JPH2: variants seen among roughly 807,000 people sequenced by gnomAD.
JPH2 encodes junctophilin-2.
Under a neutral mutation model 55.9 loss-of-function variants are expected in JPH2, and 38 were observed. That is an observed-to-expected ratio of 0.68 (90% CI 0.52 to 0.89). JPH2 has a LOEUF of 0.89. Ranked by LOEUF, JPH2 falls within the 40% of genes least tolerant of loss-of-function variation. The pLI is 0.00. For synonymous variants in JPH2, 480 were observed against 472.4 expected (o/e 1.02, Z -0.21); for missense variants, 964 against 1,037.6 (o/e 0.93, Z 0.97).
chr20:44,186,710 T>A lies in JPH2; in HGVS notation c.-5A>T. 6.4e-7 allele frequency: 1 copy of A among 1,572,828 alleles called. No individual in the cohort carries two copies. The highest frequency in any genetic ancestry group is 8.6e-7 in the Non-Finnish European group (1 of 1,165,198). The stretch of plus-strand genomic sequence containing the variant: ...GTCGAAGCGGCCCCCACTCATCTCA[T>A]CATAGCCCCTGACAACCTCCCCGTC... On this transcript the variant is annotated 5_prime_UTR_variant, in exon 1 of 6. It removes an upstream start codon present in the reference 5' UTR. Coordinates refer to ENST00000372980, the MANE Select transcript of JPH2 (RefSeq NM_020433.5).
intron 2 of JPH2, among the ~76,000 whole-genome samples, chr20:44,123,790 C>T (rs1368815102): frequency 6.6e-6 from 1 of 152,232 alleles, no homozygotes; most frequent in African/African-American, 2.4e-5. Context: ...TTTTATATTC[C>T]AGATTCTGAC....
rs574698846 is a variant in JPH2, at chr20:44,109,280, A to G, written c.*4238T>C. Among the ~76,000 whole-genome samples the G allele has an allele frequency of 6.6e-6, 1 of 152,334 alleles. No individual in the cohort carries two copies. The highest frequency in any genetic ancestry group is 1.9e-4 in the East Asian group (1 of 5,188). ...GTGGACGAATACCTACACCATGGAG[A>G]TACTGCGAAGAATGGAAAATAGCAG... On this transcript the variant is annotated 3_prime_UTR_variant, in exon 6 of 6. Coordinates refer to ENST00000372980, the MANE Select transcript of JPH2 (RefSeq NM_020433.5).
chr20:44,178,619 TG>T (rs1274275072), intron 1 of JPH2, among the ~76,000 whole-genome samples: 1 of 152,170 alleles, frequency 6.6e-6, no homozygotes, highest in Non-Finnish European at 1.5e-5. Flanking sequence ...GTTTTGTTTT[TG>T]TTTTTGAGAC....
In JPH2 at chr20:44,155,268, C is replaced by A. The variant is rs999092803; in HGVS notation, c.1169+4350G>T. Among the ~76,000 whole-genome samples, 4 of 152,268 alleles carry A rather than the reference C, an allele frequency of 2.6e-5. No homozygotes were observed. In the East Asian group the frequency reaches 5.8e-4, roughly 22 times the overall value. On this transcript the variant is annotated intron_variant, in intron 2 of 5. Coordinates refer to ENST00000372980, the MANE Select transcript of JPH2 (RefSeq NM_020433.5). The stretch of plus-strand genomic sequence containing the variant: ...GGTCAGAGTGGTGAAGCAACTTGGG[C>A]AAGGTCACACAGCTCTTCAGAAGAA...
At chr20:44,145,664 T>C (rs984154947) in intron 2 of JPH2, among the ~76,000 whole-genome samples, 6 of 152,004 alleles carry the variant, frequency 3.9e-5, no homozygotes, top group African/African-American at 1.4e-4. Flanking sequence ...GCACCGTTTA[T>C]AGAGGTGGAG....
At chr20:44,153,805 C>A (rs534525408) in intron 2 of JPH2, among the ~76,000 whole-genome samples, 1 of 152,282 alleles carries the variant, frequency 6.6e-6, no homozygotes, top group East Asian at 1.9e-4. Flanking sequence ...CTTTGAGGTG[C>A]GTCTTCTAGA....
At chr20:44,148,434 C>T (rs566409401) in intron 2 of JPH2, among the ~76,000 whole-genome samples, 4 of 152,138 alleles carry the variant, frequency 2.6e-5, no homozygotes, top group African/African-American at 4.8e-5. Context: ...TTCTGCTCTA[C>T]GTGCCTGCCT....
chr20:44,149,963 GAA>G (rs67234498), intron 2 of JPH2, among the ~76,000 whole-genome samples: 6 of 11,458 alleles, frequency 5.2e-4, no homozygotes, highest in Non-Finnish European at 7.0e-4. Context: ...GGCGACAGAG[GAA>G]AAAAAAAAAA....
intron 2 of JPH2, among the ~76,000 whole-genome samples, chr20:44,137,944 C>A (rs1021059205): frequency 1.3e-5 from 2 of 151,838 alleles, no homozygotes; most frequent in African/African-American, 4.8e-5. Flanking sequence ...TAGGTGGTAC[C>A]AGACCATTCA....
intron 2 of JPH2, among the ~76,000 whole-genome samples, chr20:44,149,962 GGAAA>G (rs1235923838): frequency 4.3e-5 from 5 of 116,784 alleles, no homozygotes; most frequent in African/African-American, 1.2e-4. Flanking sequence ...GGGCGACAGA[GGAAA>G]AAAAAAAAAA....
chr20:44,111,269 T>C lies in JPH2; in HGVS notation c.*2249A>G, dbSNP rs142575195. Among the ~76,000 whole-genome samples the C allele has an allele frequency of 7.8e-4, 119 of 152,310 alleles. No individual in the cohort carries two copies. Among genetic ancestry groups the C allele is most frequent in the Admixed American group, 2.6e-3 (40 of 15,290 alleles). On this transcript the variant is annotated 3_prime_UTR_variant, in exon 6 of 6. Coordinates refer to ENST00000372980, the MANE Select transcript of JPH2 (RefSeq NM_020433.5). ...CAGAGCTAACAGCACCATAGCGTGA[T>C]AACAACACTCGTCTCCATTTCTCCA... is the stretch of plus-strand genomic sequence containing the variant.
rs190659135 is a variant in JPH2 at position 44,174,003 on chromosome 20, C to G, written c.379+12324G>C. Among the ~76,000 whole-genome samples, 720 of 152,300 alleles carry G rather than the reference C, an allele frequency of 4.7e-3. 2 individuals carry two copies. The highest frequency in any genetic ancestry group is 0.037 in the Middle Eastern group (11 of 294). ...TAATCCATCACATAGGCCACTTATT[C>G]CCCATCCTGTGTCCACAACTGACAT... On this transcript the variant is annotated intron_variant, in intron 1 of 5. Coordinates refer to ENST00000372980, the MANE Select transcript of JPH2 (RefSeq NM_020433.5).
intron 1 of JPH2, among the ~76,000 whole-genome samples, chr20:44,161,186 T>C (rs891315285): frequency 1.3e-5 from 2 of 152,002 alleles, no homozygotes; most frequent in Admixed American, 6.6e-5. Context: ...AGGTTCTGAG[T>C]GTGCAAGGCT....
chr20:44,186,289 G>GTGAGAGGGTGGT, intron 1 of JPH2, 38 bp downstream of exon 1: 1 of 1,602,800 alleles, frequency 6.2e-7, no homozygotes. Context: ...ACCCTCCCTG[G>GTGAGAGGGTGGT]CTCCACCCCA....
At chr20:44,185,509 C>A (rs2072828337) in intron 1 of JPH2, among the ~76,000 whole-genome samples, 1 of 151,726 alleles carries the variant, frequency 6.6e-6, no homozygotes, top group Middle Eastern at 3.2e-3. Flanking sequence ...GTGGTGCACA[C>A]CTGTAGTCCC....
intron 3 of JPH2, among the ~76,000 whole-genome samples, chr20:44,117,148 G>A (rs552710692): frequency 1.3e-5 from 2 of 152,190 alleles, no homozygotes; most frequent in Admixed American, 1.3e-4. Context: ...GCATGGTGGC[G>A]CGTGCCTGTA....
Position 44,160,211 on chromosome 20 carries a change from C to A in JPH2, c.576G>T (p.Ser192=). Residue 192 remains serine (S), a synonymous_variant, in exon 2 of 6, where the codon TCG becomes TCT. Transcript: ENST00000372980. This position sits in a 1 kb window ranked among gnomAD's most constrained non-coding sequence, Gnocchi z 4.9. ...SPASDGPALP[S]PAIPRGGFAL... ...CGAAGCCGCCACGCGGGATGGCGGG[C>A]GAGGGCAGCGCGGGGCCGTCGGAGG... 1.4e-6 allele frequency: 2 copies of A among 1,423,486 alleles called. No individual in the cohort carries two copies. The highest frequency in any genetic ancestry group is 1.8e-6 in the Non-Finnish European group (2 of 1,097,728). 88.2% of individuals were successfully genotyped at this position (1,423,486 alleles called of 1,614,324 possible).
At chr20:44,146,706 G>A (rs550448368) in intron 2 of JPH2, among the ~76,000 whole-genome samples, 2 of 152,310 alleles carry the variant, frequency 1.3e-5, no homozygotes, top group South Asian at 4.1e-4. Flanking sequence ...CTGTGGATAT[G>A]GGCAGTTGTT....
chr20:44,161,591 GT>G lies in JPH2; in HGVS notation c.380-1185del, dbSNP rs200557266. Among the ~76,000 whole-genome samples, 11 of 151,116 alleles carry G rather than the reference GT, an allele frequency of 7.3e-5. No individual in the cohort carries two copies. The South Asian group carries it at 1.0e-3, about 14-fold the overall frequency. ...TAATAACTGCCTCTTACCTCCTAGG[GT>G]TTTTTTTTGAGGTTTAAATGAGTTA... On this transcript the variant is annotated intron_variant, in intron 1 of 5. Transcript: ENST00000372980.
Sources: allele counts gnomAD v4.1 joint callset (sites outside exome capture counted in the v4.1 genomes callset), GRCh38; gene constraint gnomAD v4.1.1; non-coding constraint Gnocchi (gnomAD v3.1); transcripts MANE v1.5; gene names NCBI Gene and HGNC (gene_info 2026-07-23, HGNC 2026-07-21).